RABGAP1L: variants seen among roughly 807,000 people sequenced by gnomAD.
RABGAP1L encodes rab GTPase-activating protein 1-like.
A neutral mutation model predicts 137.7 loss-of-function variants in RABGAP1L; 63 were observed. The observed-to-expected ratio is 0.46, with a 90% CI of 0.37 to 0.56. The LOEUF is 0.56. Ranked by LOEUF, RABGAP1L falls within the 20% of genes least tolerant of loss-of-function variation. RABGAP1L has a pLI of 0.00. For synonymous variants in RABGAP1L, 431 were observed against 433.7 expected (o/e 0.99, Z 0.08); for missense variants, 1,095 against 1,244.0 (o/e 0.88, Z 1.80).
intron 10 of RABGAP1L, among the ~76,000 whole-genome samples, chr1:174,301,292 C>T (rs1677679985): frequency 6.6e-6 from 1 of 151,220 alleles, no homozygotes; most frequent in African/African-American, 2.4e-5. Context: ...TGCTGTGACT[C>T]CGAAGCCCCT....
At chr1:174,897,434 A>G (rs1657393029) in intron 19 of RABGAP1L, 1 of 152,188 alleles carries the variant, frequency 6.6e-6, no homozygotes, top group African/African-American at 2.4e-5. Context: ...TTCATACTGA[A>G]ATATTCACTT....
chr1:174,518,743 A>G (rs1663093385), intron 13 of RABGAP1L, among the ~76,000 whole-genome samples: 1 of 152,182 alleles, frequency 6.6e-6, no homozygotes, highest in Admixed American at 6.5e-5. Flanking sequence ...TAAATAAGCT[A>G]ATGGCTTCAG....
chr1:174,476,902 A>G (rs554761077), intron 13 of RABGAP1L, among the ~76,000 whole-genome samples: 99 of 152,342 alleles, frequency 6.5e-4, no homozygotes, highest in Admixed American at 1.7e-3. Context: ...GTTACAGATC[A>G]TACAGTGTCA....
chr1:174,380,906 G>A (rs985878359), intron 12 of RABGAP1L, among the ~76,000 whole-genome samples: 61 of 135,698 alleles, frequency 4.5e-4, no homozygotes, highest in African/African-American at 1.7e-3. Flanking sequence ...GATCTCTCCT[G>A]CTTTCTCTTG....
Position 174,720,727 on chromosome 1 carries a change from A to G in RABGAP1L, c.2169+18471A>G, listed in dbSNP as rs75076883. 3.9e-5 allele frequency among the ~76,000 whole-genome samples: 6 copies of G among 152,312 alleles called. No homozygotes were observed. In the East Asian group the frequency reaches 1.2e-3, roughly 29 times the overall value. On this transcript the variant is annotated intron_variant, in intron 17 of 25. Transcript: ENST00000681986. Reference sequence around the variant, plus strand: ...CTACCTCTATGGCAAATCCATAGAGATAGAAAGTAGATTAGTTTCCTAGAG... The same window carrying G: ...CTACCTCTATGGCAAATCCATAGAGGTAGAAAGTAGATTAGTTTCCTAGAG...
chr1:174,191,545 A>G (rs1041172552), intron 1 of RABGAP1L, among the ~76,000 whole-genome samples: 2 of 152,222 alleles, frequency 1.3e-5, no homozygotes, highest in African/African-American at 4.8e-5. Flanking sequence ...TGAGTCTGCT[A>G]CCCTCATAAA....
intron 13 of RABGAP1L, among the ~76,000 whole-genome samples, chr1:174,482,239 T>A (rs903228086): frequency 2.6e-5 from 4 of 152,354 alleles, no homozygotes; most frequent in South Asian, 2.1e-4. Flanking sequence ...GCTGATGTGT[T>A]GATTTTAGTC....
intron 14 of RABGAP1L, among the ~76,000 whole-genome samples, chr1:174,662,091 GCTTTT>G (rs1187270693): frequency 7.2e-6 from 1 of 138,852 alleles, no homozygotes; most frequent in Admixed American, 7.4e-5. Flanking sequence ...CCAGAAGAAG[GCTTTT>G]CTTTTCTTTT....
chr1:174,871,511 G>T (rs1652189335), intron 19 of RABGAP1L, among the ~76,000 whole-genome samples: 1 of 152,116 alleles, frequency 6.6e-6, no homozygotes, highest in Non-Finnish European at 1.5e-5. Context: ...GGTTTTAACT[G>T]CAGGATTTAA....
chr1:174,206,118 T>C (rs1668490466), intron 1 of RABGAP1L, among the ~76,000 whole-genome samples: 1 of 152,226 alleles, frequency 6.6e-6, no homozygotes. Flanking sequence ...TTAATTGATC[T>C]AGCTTAGATT....
intron 4 of RABGAP1L, among the ~76,000 whole-genome samples, chr1:174,239,783 A>G (rs1264605004): frequency 6.6e-6 from 1 of 152,228 alleles, no homozygotes; most frequent in Non-Finnish European, 1.5e-5. Context: ...GGTCAAGGAA[A>G]TGAGGTTGAA....
rs114131435 is a variant in RABGAP1L, at chr1:174,473,716, T to C, written c.1710+79571T>C. 1.3e-3 allele frequency among the ~76,000 whole-genome samples: 200 copies of C among 152,298 alleles called. 1 individual carries two copies. Among genetic ancestry groups the C allele is most frequent in the African/African-American group, 4.5e-3 (186 of 41,566 alleles). ...TTATTTTAATGCCAACCACATCTTG[T>C]TTAGAATCCACATATGTAAAACATG... On this transcript the variant is annotated intron_variant, in intron 13 of 25. Coordinates refer to ENST00000681986, the MANE Select transcript of RABGAP1L (RefSeq NM_001366446.1).
intron 18 of RABGAP1L, among the ~76,000 whole-genome samples, chr1:174,807,214 TATC>T (rs1416168495): frequency 6.6e-6 from 1 of 152,250 alleles, no homozygotes; most frequent in Non-Finnish European, 1.5e-5. Flanking sequence ...TAATTATGTT[TATC>T]TCTGTAGTCA....
intron 18 of RABGAP1L, among the ~76,000 whole-genome samples, chr1:174,785,044 T>A (rs1687352123): frequency 6.6e-6 from 1 of 151,894 alleles, no homozygotes; most frequent in African/African-American, 2.4e-5. Flanking sequence ...TCCATATGAG[T>A]GATTTTATTT....
intron 14 of RABGAP1L, among the ~76,000 whole-genome samples, chr1:174,659,181 G>A (rs778006124): frequency 6.6e-6 from 1 of 150,906 alleles, no homozygotes; most frequent in Non-Finnish European, 1.5e-5. Flanking sequence ...AAGTTTGTAT[G>A]GTGGTTTCTA....
chr1:174,800,260 C>A, intron 18 of RABGAP1L: 2 of 1,470,950 alleles, frequency 1.4e-6, no homozygotes, highest in Non-Finnish European at 9.0e-7. Context: ...AACCTGGCTC[C>A]CCTCCCACCG....
intron 22 of RABGAP1L, among the ~76,000 whole-genome samples, chr1:174,977,256 T>C (rs1670726107): frequency 2.0e-5 from 3 of 152,248 alleles, no homozygotes; most frequent in African/African-American, 7.2e-5. Flanking sequence ...AATGAGTCTT[T>C]GGCATTTACA....
chr1:174,515,772 G>A (rs1662770218), intron 13 of RABGAP1L, among the ~76,000 whole-genome samples: 1 of 152,054 alleles, frequency 6.6e-6, no homozygotes, highest in Non-Finnish European at 1.5e-5. Context: ...GTAGATAAGG[G>A]TTACTATAAA....
chr1:174,941,603 A>G (rs1384777651), intron 19 of RABGAP1L, among the ~76,000 whole-genome samples: 2 of 152,170 alleles, frequency 1.3e-5, no homozygotes, highest in Non-Finnish European at 2.9e-5. Flanking sequence ...ACCTGGTAGA[A>G]AGGTAGTGAG....
Sources: gnomAD v4.1 joint callset for allele counts (sites outside exome capture counted in the v4.1 genomes callset) on GRCh38, gnomAD v4.1.1 for gene constraint, MANE v1.5 for transcripts, NCBI Gene and HGNC (gene_info 2026-07-23, HGNC 2026-07-21) for gene names.